The following HTR7 variants were observed in gnomAD, a reference collection of about 807,000 sequenced individuals.
HTR7 encodes the protein 5-HT-7.
A neutral mutation model predicts 34.0 loss-of-function variants in HTR7; 16 were observed. That is an observed-to-expected ratio of 0.47 (90% CI 0.32 to 0.71). HTR7 has a LOEUF of 0.71. HTR7 is among the 30% of genes least tolerant of loss of function. HTR7 has a pLI of 0.04. For synonymous variants in HTR7, 265 were observed against 260.2 expected, an observed-to-expected ratio of 1.02 and a Z score of -0.18; for missense variants, 504 against 625.5, an observed-to-expected ratio of 0.81 and a Z score of 2.07.
At position 90,857,295 on chromosome 10, in the gene HTR7, G is replaced by A. The variant is rs771656094; in HGVS notation, c.377C>T (p.Ala126Val). The A allele has an allele frequency of 2.5e-6, 4 of 1,614,130 alleles. No individual in the cohort carries two copies. The South Asian group carries it at 4.4e-5, about 18-fold the overall frequency. Residue 126 changes from alanine to valine, a missense_variant, in exon 1 of 4, where the codon GCC (alanine) becomes GTC (valine). By Grantham distance (64) the Ala-to-Val change is moderately conservative. Coordinates refer to ENST00000336152, the MANE Select transcript of HTR7 (RefSeq NM_019859.4). The surrounding 1 kb of genome is among the most constrained non-coding windows in gnomAD (Gnocchi z 6.5). ...SNYLIVSLAL[A>V]DLSVAVAVMP... ...GACCGCCACAGCCACCGAGAGGTCG[G>A]CCAGCGCCAGGGACACGATCAGGTA...
In HTR7 at chr10:90,857,488, C is replaced by T. The variant is rs146029481; in HGVS notation, c.184G>A (p.Ala62Thr). ...VTASPAPTWD[A>T]PPDNASGCGE... ...CAGCCGGAGGCATTGTCCGGGGGCG[C>T]GTCCCAGGTGGGCGCCGGGCTGGCT... The change falls in exon 1 of 4, where the codon GCG becomes ACG. Residue 62 changes from alanine (A) to threonine (T), a missense_variant. Ala to Thr is a moderately conservative substitution (Grantham distance 58, BLOSUM62 0). Coordinates refer to ENST00000336152, the MANE Select transcript of HTR7 (RefSeq NM_019859.4). This position sits in a 1 kb window ranked among gnomAD's most constrained non-coding sequence, Gnocchi z 6.5. 9.9e-6 allele frequency: 16 copies of T among 1,613,272 alleles called. No homozygotes were observed. In the African/African-American group the frequency reaches 1.9e-4, roughly 19 times the overall value.
At chr10:90,815,510 G>A (rs1035225433) in intron 1 of HTR7, among the ~76,000 whole-genome samples, 1 of 152,112 alleles carries the variant, frequency 6.6e-6, no homozygotes, top group Non-Finnish European at 1.5e-5. Flanking sequence ...ATGTAAATGC[G>A]CCCCTCAGGC....
chr10:90,816,499 G>A (rs1845901356), intron 1 of HTR7, among the ~76,000 whole-genome samples: 1 of 151,984 alleles, frequency 6.6e-6, no homozygotes, highest in South Asian at 2.1e-4. Flanking sequence ...TTTCTGCAGT[G>A]GGTCTCTAAA....
At chr10:90,842,017 A>C (rs555308401) in intron 1 of HTR7, among the ~76,000 whole-genome samples, 2 of 151,984 alleles carry the variant, frequency 1.3e-5, no homozygotes, top group African/African-American at 4.8e-5. Flanking sequence ...ACAAAAACAA[A>C]AACAACAACA....
At chr10:90,767,117 C>A (rs879842450) in intron 1 of HTR7, among the ~76,000 whole-genome samples, 3 of 152,076 alleles carry the variant, frequency 2.0e-5, no homozygotes, top group Admixed American at 6.5e-5. Flanking sequence ...CATGGCCAGG[C>A]AGGGTGGGAT....
chr10:90,849,103 T>C (rs557521762), intron 1 of HTR7, among the ~76,000 whole-genome samples: 1 of 152,258 alleles, frequency 6.6e-6, no homozygotes, highest in East Asian at 1.9e-4. Flanking sequence ...TTTCAAGTTT[T>C]AAGGTTTCAA....
intron 1 of HTR7, among the ~76,000 whole-genome samples, chr10:90,854,171 T>C (rs1318667920): frequency 2.6e-5 from 4 of 152,212 alleles, no homozygotes; most frequent in African/African-American, 7.2e-5. Flanking sequence ...TTTGCCAACA[T>C]GGCAAAACCC....
intron 1 of HTR7, among the ~76,000 whole-genome samples, chr10:90,830,788 A>AG (rs1259811418): frequency 7.4e-6 from 1 of 135,888 alleles, no homozygotes; most frequent in Non-Finnish European, 1.6e-5. Context: ...ACCCTGTCTC[A>AG]GAAAAAAAAA....
chr10:90,742,660 T>C (rs1844572283), intron 3 of HTR7, 132 bp from the exon 4 acceptor site: 3 of 594,022 alleles, frequency 5.1e-6, no homozygotes, highest in East Asian at 2.8e-5. Flanking sequence ...TAAGGGATTA[T>C]GAGTATCCTT....
chr10:90,789,762 T>C (rs1229229746), intron 1 of HTR7, among the ~76,000 whole-genome samples: 2 of 152,146 alleles, frequency 1.3e-5, no homozygotes, highest in Non-Finnish European at 2.9e-5. Context: ...GGCTAAACAT[T>C]TGGATTTGGG....
chr10:90,751,265 C>T (rs957218495), intron 1 of HTR7, among the ~76,000 whole-genome samples: 3 of 151,756 alleles, frequency 2.0e-5, no homozygotes, highest in African/African-American at 4.8e-5. Context: ...GCGGGCAGTG[C>T]GGGGGAAAGT....
chr10:90,840,081 C>T (rs1846304336), intron 1 of HTR7, among the ~76,000 whole-genome samples: 1 of 150,976 alleles, frequency 6.6e-6, no homozygotes, highest in Admixed American at 6.7e-5. Context: ...TCACCACCAC[C>T]ATCTTCTCTA....
At chr10:90,820,049 TA>T (rs1194955668) in intron 1 of HTR7, among the ~76,000 whole-genome samples, 1 of 152,114 alleles carries the variant, frequency 6.6e-6, no homozygotes, top group Admixed American at 6.5e-5. Flanking sequence ...AAAATCTATT[TA>T]AAAAAAGAAA....
At chr10:90,813,415 G>C (rs1253812387) in intron 1 of HTR7, among the ~76,000 whole-genome samples, 1 of 152,088 alleles carries the variant, frequency 6.6e-6, no homozygotes, top group Admixed American at 6.6e-5. Flanking sequence ...CCAGCTACTG[G>C]GGAGGCTGAG....
intron 1 of HTR7, among the ~76,000 whole-genome samples, chr10:90,804,615 A>T (rs988125656): frequency 1.3e-5 from 2 of 152,214 alleles, no homozygotes; most frequent in Admixed American, 1.3e-4. Flanking sequence ...AGGTTTGGTA[A>T]AGGAGTTCAA....
intron 1 of HTR7, among the ~76,000 whole-genome samples, chr10:90,851,024 A>C (rs898276987): frequency 6.6e-6 from 1 of 152,174 alleles, no homozygotes; most frequent in African/African-American, 2.4e-5. Context: ...ATCATTAGGA[A>C]CCCCAAACAG....
rs562610894 is a variant in HTR7 at position 90,833,237 on chromosome 10, G to A, written c.539+23896C>T. On this transcript the variant is annotated intron_variant, in intron 1 of 3. Coordinates refer to ENST00000336152, the MANE Select transcript of HTR7 (RefSeq NM_019859.4). ...ACTGTAGAGAATATTCCAGAGTGTCGAGATCATGCCTCTAGGGGACCTTCC... is the reference window on the plus strand; with the variant it reads ...ACTGTAGAGAATATTCCAGAGTGTCAAGATCATGCCTCTAGGGGACCTTCC... Among the ~76,000 whole-genome samples, 17 of 152,258 alleles carry A rather than the reference G, an allele frequency of 1.1e-4. 1 individual carries two copies. The South Asian group carries it at 1.7e-3, about 15-fold the overall frequency.
Position 90,749,388 on chromosome 10 carries a change from TA to T in HTR7, c.745del (p.Tyr249IlefsTer41). 6.2e-7 allele frequency: 1 copy of T among 1,614,114 alleles called. No individual in the cohort carries two copies. Among genetic ancestry groups the T allele is most frequent in the Non-Finnish European group, 8.5e-7 (1 of 1,180,024 alleles). Reference protein sequence around the residue: ...YTIYSTAVAFYIPMSVMLFMY... With the variant: ...YTIYSTAVAFXIPMSVMLFMY... ...GAAAAGCATGACGGACATGGGGATA[TA>T]AAATGCCACTGCGGTAGAGTAAATC... is the stretch of plus-strand genomic sequence containing the variant. On this transcript the variant is annotated frameshift_variant, in exon 2 of 4. Transcript: ENST00000336152. LOFTEE classifies it high-confidence loss of function. This position sits in a 1 kb window ranked among gnomAD's most constrained non-coding sequence, Gnocchi z 4.2.
At chr10:90,840,622 T>C (rs1484294169) in intron 1 of HTR7, among the ~76,000 whole-genome samples, 4 of 152,164 alleles carry the variant, frequency 2.6e-5, no homozygotes, top group Admixed American at 2.6e-4. Context: ...GAGACCTGAC[T>C]CCTCTATTCA....
Sources: gnomAD v4.1 joint callset for allele counts (sites outside exome capture counted in the v4.1 genomes callset) on GRCh38, gnomAD v4.1.1 for gene constraint, Gnocchi (gnomAD v3.1) non-coding constraint, MANE v1.5 for transcripts, NCBI Gene and HGNC (gene_info 2026-07-23, HGNC 2026-07-21) for gene names.